UBE4A: variants seen among roughly 807,000 people sequenced by gnomAD.
UBE4A encodes the protein ubiquitination factor E4A, also known as ubiquitin conjugation factor E4 A.
In UBE4A, 48 loss-of-function variants were observed where a neutral mutation model predicts 117.9. That is an observed-to-expected ratio of 0.41 (90% CI 0.32 to 0.52). The LOEUF (loss-of-function observed/expected upper bound fraction) is 0.52, where lower values mean the gene tolerates loss of function less well. Among genes scored for constraint, UBE4A ranks in the 20% least tolerant of loss-of-function variants. UBE4A has a pLI of 0.33. For missense variants in UBE4A, 1,067 were observed against 1,296.3 expected (o/e 0.82, Z 2.72); for synonymous variants, 407 against 450.0 (o/e 0.90, Z 1.21).
In UBE4A at chr11:118,368,629, A is replaced by G; in HGVS notation, c.122-2A>G. 2 of 1,614,056 alleles carry G rather than the reference A, an allele frequency of 1.2e-6. No individual in the cohort carries two copies. The highest frequency in any genetic ancestry group is 1.7e-6 in the Non-Finnish European group (2 of 1,179,954). On this transcript the variant is annotated splice_acceptor_variant, in intron 2 of 19. Coordinates refer to ENST00000252108, the MANE Select transcript of UBE4A (RefSeq NM_001204077.2). LOFTEE classifies it high-confidence loss of function. ...CATTTAACAGTATACATTTTCTGGC[A>G]GATGAACTCCCAGCTAGCCCAGATG...
intron 16 of UBE4A, among the ~76,000 whole-genome samples, chr11:118,387,683 A>C (rs1034351450): frequency 6.6e-6 from 1 of 152,242 alleles, no homozygotes; most frequent in Non-Finnish European, 1.5e-5. Context: ...AATCATGGTA[A>C]AAACAAGACC....
chr11:118,382,582 T>G lies in UBE4A; in HGVS notation c.2010-7T>G, dbSNP rs781817731. On this transcript the variant is annotated splice_region_variant and splice_polypyrimidine_tract_variant and intron_variant, in intron 12 of 19. Coordinates refer to ENST00000252108, the MANE Select transcript of UBE4A (RefSeq NM_001204077.2). ...TCTGCTCATCTTGCTTTTTGCCCAT[T>G]TTGCAGAATGAAGAATCCCCACCTG... The G allele has an allele frequency of 2.6e-6, 4 of 1,529,424 alleles. No individual in the cohort carries two copies. In the African/African-American group the frequency reaches 5.5e-5, roughly 21 times the overall value. 94.7% of individuals were successfully genotyped at this position (1,529,424 alleles called of 1,614,324 possible). A position where few individuals can be genotyped will look rare whatever the true frequency, so the allele number is the denominator to read the frequency against.
At chr11:118,375,894 G>A (rs1948648667) in intron 9 of UBE4A, among the ~76,000 whole-genome samples, 1 of 152,188 alleles carries the variant, frequency 6.6e-6, no homozygotes, top group Non-Finnish European at 1.5e-5. Context: ...GGAGCACAGA[G>A]GAGGGAGTAA....
At chr11:118,390,520 T>C (rs1189118559) in intron 17 of UBE4A, 137 bp from the exon 18 acceptor site, 8 of 266,666 alleles carry the variant, frequency 3.0e-5, no homozygotes, top group Admixed American at 2.0e-4. Flanking sequence ...ATAATATATA[T>C]TGAAATAAGT....
In UBE4A at chr11:118,371,598, G is replaced by C. The variant is rs780205124; in HGVS notation, c.493G>C (p.Asp165His). The C allele has an allele frequency of 6.2e-7, 1 of 1,613,974 alleles. No homozygotes were observed. Among genetic ancestry groups the C allele is most frequent in the Non-Finnish European group, 8.5e-7 (1 of 1,180,010 alleles). The stretch of plus-strand genomic sequence containing the variant: ...TTCTACAACGCTAAATCTCTCTGCT[G>C]ATCGAGATGCAGGAGAGAGGCACAT... ...TSSTTLNLSA[D>H]RDAGERHIFC... Residue 165 changes from aspartate (D) to histidine (H), a missense_variant, in exon 5 of 20, where the codon GAT becomes CAT. Physicochemically the swap from Asp to His is moderately conservative, Grantham distance 81. Around this residue, in one of 3 missense-constraint regions of UBE4A, gnomAD observed 1,001 missense variants for 1,184.0 expected, o/e 0.85. Coordinates refer to ENST00000252108, the MANE Select transcript of UBE4A (RefSeq NM_001204077.2).
intron 10 of UBE4A, chr11:118,378,421 A>G (rs1467177859): frequency 1.3e-5 from 2 of 152,208 alleles, no homozygotes; most frequent in South Asian, 2.1e-4. Flanking sequence ...ACTAGAATGT[A>G]TGACTTCCAA....
intron 4 of UBE4A, 68 bp from the exon 5 acceptor site, chr11:118,371,446 T>G (rs550918377): frequency 6.6e-7 from 1 of 1,514,458 alleles, no homozygotes; most frequent in Non-Finnish European, 8.9e-7. Context: ...CAGAATTACC[T>G]TTTACATCTT....
At chr11:118,378,566 A>G (rs1948673769) in intron 10 of UBE4A, 1 of 152,254 alleles carries the variant, frequency 6.6e-6, no homozygotes, top group Non-Finnish European at 1.5e-5. Flanking sequence ...GCAATTTTTA[A>G]TGCCTTCTCA....
At chr11:118,390,831 G>A in intron 18 of UBE4A, 27 bp downstream of exon 18, 1 of 1,606,022 alleles carries the variant, frequency 6.2e-7, no homozygotes, top group East Asian at 2.3e-5. Context: ...ATTGTTTGCT[G>A]ATTTCATTAA....
chr11:118,371,737 G>C, intron 5 of UBE4A, 71 bp downstream of exon 5: 1 of 1,484,170 alleles, frequency 6.7e-7, no homozygotes, highest in Non-Finnish European at 9.0e-7. Context: ...GGCCAGAGTT[G>C]GATCAGTCTT....
At chr11:118,383,588 CAAA>C (rs11375309) in intron 13 of UBE4A, among the ~76,000 whole-genome samples, 3 of 54,220 alleles carry the variant, frequency 5.5e-5, no homozygotes, top group Admixed American at 2.0e-4. Flanking sequence ...AAATCCCTCT[CAAA>C]AAAAAAAAAA....
chr11:118,391,993 CTA>C (rs1256258720), intron 18 of UBE4A, among the ~76,000 whole-genome samples: 2 of 150,910 alleles, frequency 1.3e-5, no homozygotes, highest in Non-Finnish European at 2.9e-5. Context: ...TGGATTGTCT[CTA>C]TGTTTGTAGT....
intron 4 of UBE4A, 85 bp from the exon 5 acceptor site, chr11:118,371,426 TAAC>T: frequency 6.9e-7 from 1 of 1,439,628 alleles, no homozygotes; most frequent in Non-Finnish European, 9.4e-7. Flanking sequence ...TTCTTGCTAA[TAAC>T]CTGTGTCAGA....
chr11:118,373,792 C>A (rs1443640026), intron 8 of UBE4A, 107 bp downstream of exon 8: 2 of 1,324,234 alleles, frequency 1.5e-6, no homozygotes, highest in East Asian at 2.6e-5. Flanking sequence ...GCAAATTGAT[C>A]TAGTTGGCTT....
intron 4 of UBE4A, 52 bp downstream of exon 4, chr11:118,369,587 G>A (rs772096402): frequency 7.8e-7 from 1 of 1,290,040 alleles, no homozygotes; most frequent in Non-Finnish European, 1.1e-6. Flanking sequence ...TAGCTATGCG[G>A]CTGAATTCTG....
chr11:118,373,599 GGT>G lies in UBE4A; in HGVS notation c.1033_1034del (p.Val345CysfsTer116). The G allele has an allele frequency of 6.2e-7, 1 of 1,614,068 alleles. No homozygotes were observed. The highest frequency in any genetic ancestry group is 8.5e-7 in the Non-Finnish European group (1 of 1,180,016). ...TATCTCCTGCTTATTAAAGACTCCG[GGT>G]GTTGTAGAAAATCATGGCTACTTTT... is the stretch of plus-strand genomic sequence containing the variant. ...LSISCLLKTP[G>X]VVENHGYFLN... is the part of the protein sequence containing the mutation. On this transcript the variant is annotated frameshift_variant, in exon 8 of 20. Coordinates refer to ENST00000252108, the MANE Select transcript of UBE4A (RefSeq NM_001204077.2). LOFTEE classifies it high-confidence loss of function.
intron 1 of UBE4A, 32 bp from the exon 2 acceptor site, chr11:118,365,008 C>A: frequency 6.6e-7 from 1 of 1,508,352 alleles, no homozygotes; most frequent in Non-Finnish European, 8.9e-7. Flanking sequence ...TGTCATCTGC[C>A]CTCTTGTGTC....
At chr11:118,382,557 T>C in intron 12 of UBE4A, 32 bp from the exon 13 acceptor site, 1 of 1,491,908 alleles carries the variant, frequency 6.7e-7, no homozygotes, top group Non-Finnish European at 9.0e-7. Flanking sequence ...GTTAAGCTTA[T>C]CTGCTCATCT....
chr11:118,381,424 T>A lies in UBE4A; in HGVS notation c.1910T>A (p.Ile637Asn). ...FFADNLGDFLIFLRRFADDIL... is the reference protein window; with the variant it reads ...FFADNLGDFLNFLRRFADDIL... ...GCAGATAACCTGGGTGATTTTCTCA[T>A]TTTTCTCCGCCGCTTTGCCGATGAC... is the stretch of plus-strand genomic sequence containing the variant. Residue 637 changes from isoleucine to asparagine, a missense_variant, in exon 12 of 20, where the codon ATT (isoleucine) becomes AAT (asparagine). Around this residue, in one of 3 missense-constraint regions of UBE4A, gnomAD observed 1,001 missense variants for 1,184.0 expected, o/e 0.85. Transcript: ENST00000252108. The A allele has an allele frequency of 6.2e-7, 1 of 1,614,084 alleles. No homozygotes were observed. The highest frequency in any genetic ancestry group is 8.5e-7 in the Non-Finnish European group (1 of 1,179,974).
Sources: allele counts gnomAD v4.1 joint callset (sites outside exome capture counted in the v4.1 genomes callset), GRCh38; gene constraint gnomAD v4.1.1; regional missense constraint gnomAD v4.1.1; transcripts MANE v1.5; gene names NCBI Gene and HGNC (gene_info 2026-07-23, HGNC 2026-07-21).